Variants in FLT4 observed in about 807,000 individuals in gnomAD.
The protein encoded by FLT4 is fms related receptor tyrosine kinase 4.
FLT4 carries 30 observed loss-of-function variants against 163.2 expected under a neutral mutation model. The ratio of observed to expected loss-of-function variants is 0.18; its 90% CI spans 0.14 to 0.25. The LOEUF (loss-of-function observed/expected upper bound fraction) is 0.25. Among genes scored for constraint, FLT4 ranks in the 10% least tolerant of loss-of-function variants. The probability of loss-of-function intolerance (pLI) is 1.00; values close to 1 mark genes in which losing one functional copy is unlikely to be tolerated. For synonymous variants in FLT4, 884 were observed against 789.5 expected (o/e 1.12, Z -2.01); for missense variants, 1,510 against 1,863.8 (o/e 0.81, Z 3.50).
chr5:180,611,452 G>A lies in FLT4; in HGVS notation c.3565C>T (p.Arg1189Cys), dbSNP rs744282. The A allele has an allele frequency of 1.1e-5, 18 of 1,613,932 alleles. No individual in the cohort carries two copies. The highest frequency in any genetic ancestry group is 5.0e-5 in the Admixed American group (3 of 60,010). The change falls in exon 27 of 30, where the codon CGC becomes TGC. Residue 1189 changes from arginine to cysteine, a missense_variant. Physicochemically the swap from Arg to Cys is radical, Grantham distance 180. This residue lies in a region of FLT4 where 295 missense variants were observed against 311.0 expected (regional missense o/e 0.95). Coordinates refer to ENST00000261937, the MANE Select transcript of FLT4 (RefSeq NM_182925.5). ...QEEEEVCMAP[R>C]SSQSSEEGSF... ...CCCTCTTCTGAGCTCTGAGAGCTGC[G>A]CGGGGCCATGCAGACCTCCTCTTCC...
chr5:180,620,439 AAGAC>A lies in FLT4; in HGVS notation c.2407-135_2407-132del, dbSNP rs1374999448. 11 of 1,336,256 alleles carry A rather than the reference AAGAC, an allele frequency of 8.2e-6. No individual in the cohort carries two copies. Among genetic ancestry groups the A allele is most frequent in the African/African-American group, 1.4e-5 (1 of 69,396 alleles). 82.8% of individuals were successfully genotyped at this position (1,336,256 alleles called of 1,614,324 possible). On this transcript the variant is annotated intron_variant, in intron 16 of 29. Coordinates refer to ENST00000261937, the MANE Select transcript of FLT4 (RefSeq NM_182925.5). This position sits in a 1 kb window ranked among gnomAD's most constrained non-coding sequence, Gnocchi z 4.4. ...CTCAGTCAAGGAGGGGACAGAAAAA[AAGAC>A]AGACAACCTCTGCGGGGTTGGAGCC...
At chr5:180,639,115 A>G (rs1012910767) in intron 1 of FLT4, among the ~76,000 whole-genome samples, 6 of 150,808 alleles carry the variant, frequency 4.0e-5, no homozygotes, top group African/African-American at 9.8e-5. Flanking sequence ...GGATGGATGA[A>G]TGGATGGATG....
At chr5:180,629,465 G>C in intron 6 of FLT4, 38 bp from the exon 7 acceptor site, 1 of 1,605,558 alleles carries the variant, frequency 6.2e-7, no homozygotes. Flanking sequence ...CAGCAGGCGG[G>C]CTCCTGCACA....
Position 180,620,097 on chromosome 5 carries a change from G to C in FLT4, c.2542+76C>G, listed in dbSNP as rs1763006928. 2 of 1,528,800 alleles carry C rather than the reference G, an allele frequency of 1.3e-6. No individual in the cohort carries two copies. Among genetic ancestry groups the C allele is most frequent in the Non-Finnish European group, 1.8e-6 (2 of 1,131,622 alleles). 94.7% of individuals were successfully genotyped at this position (1,528,800 alleles called of 1,614,324 possible). The stretch of plus-strand genomic sequence containing the variant: ...TCCTGGTGCAAGTTTTGAAAATGGA[G>C]GGATTCAGGCACTCCGGCCTGCAGC... On this transcript the variant is annotated intron_variant, in intron 17 of 29. Transcript: ENST00000261937. This position sits in a 1 kb window ranked among gnomAD's most constrained non-coding sequence, Gnocchi z 4.4.
chr5:180,638,497 C>T (rs1764854038), intron 1 of FLT4, among the ~76,000 whole-genome samples: 2 of 152,216 alleles, frequency 1.3e-5, no homozygotes, highest in African/African-American at 4.8e-5. Context: ...CCAGGCCTGC[C>T]TCTGGGCCCC....
chr5:180,635,528 G>C (rs1581694431), intron 1 of FLT4, among the ~76,000 whole-genome samples: 2 of 2 alleles, frequency 1, 1 homozygote. Flanking sequence ...GTGATGGATG[G>C]ATGGATGGAT....
At position 180,630,994 on chromosome 5, in the gene FLT4, GGGCT is replaced by G. The variant is rs1157544494; in HGVS notation, c.156-199_156-196del. 1.1e-4 allele frequency among the ~76,000 whole-genome samples: 17 copies of G among 152,154 alleles called. No individual in the cohort carries two copies. The highest frequency in any genetic ancestry group is 3.6e-4 in the African/African-American group (15 of 41,446). ...CCCCCGGGCCTCTACCAGGCTCCCG[GGGCT>G]GGCCTGTGGCCAAGCACAGGCCTTG... On this transcript the variant is annotated intron_variant, in intron 2 of 29. Coordinates refer to ENST00000261937, the MANE Select transcript of FLT4 (RefSeq NM_182925.5). This position sits in a 1 kb window ranked among gnomAD's most constrained non-coding sequence, Gnocchi z 6.3.
chr5:180,640,029 G>A (rs1435420236), intron 1 of FLT4, among the ~76,000 whole-genome samples: 12 of 152,334 alleles, frequency 7.9e-5, no homozygotes, highest in Middle Eastern at 3.4e-3. Flanking sequence ...ACTGTCAGCA[G>A]CCCCAGGACA....
At position 180,642,418 on chromosome 5, in the gene FLT4, C is replaced by T. The variant is rs191201664; in HGVS notation, c.58+7070G>A. On this transcript the variant is annotated intron_variant, in intron 1 of 29. Coordinates refer to ENST00000261937, the MANE Select transcript of FLT4 (RefSeq NM_182925.5). The stretch of plus-strand genomic sequence containing the variant: ...ATTAGGAGCTTGCTGGCCCAGGAGG[C>T]GGGCACACAGGCCAGAGTGCCGGTG... Among the ~76,000 whole-genome samples, 6 of 152,206 alleles carry T rather than the reference C, an allele frequency of 3.9e-5. No homozygotes were observed. The South Asian group carries it at 8.3e-4, about 21-fold the overall frequency.
intron 1 of FLT4, among the ~76,000 whole-genome samples, chr5:180,648,865 T>C (rs868704122): frequency 4.6e-5 from 7 of 152,282 alleles, no homozygotes; most frequent in Middle Eastern, 3.4e-3. Context: ...TCTGCGGCGC[T>C]GACAGCCCGC....
At chr5:180,612,974 C>G (rs1261935996) in intron 25 of FLT4, 37 bp downstream of exon 25, 1 of 1,526,380 alleles carries the variant, frequency 6.6e-7, no homozygotes. Flanking sequence ...CCGACGCTTG[C>G]TGTCCCCAAA....
At chr5:180,646,973 T>C (rs1235769982) in intron 1 of FLT4, among the ~76,000 whole-genome samples, 1 of 152,156 alleles carries the variant, frequency 6.6e-6, no homozygotes, top group Non-Finnish European at 1.5e-5. Context: ...CTCAGAGCCC[T>C]GAGCTGGAGC....
chr5:180,643,444 A>C (rs1765277003), intron 1 of FLT4, among the ~76,000 whole-genome samples: 1 of 151,442 alleles, frequency 6.6e-6, no homozygotes. Context: ...CTGTCCCTCC[A>C]CTTTCCCTCC....
chr5:180,630,377 G>A lies in FLT4; in HGVS notation c.401-40C>T, dbSNP rs370164496. The A allele has an allele frequency of 5.6e-5, 89 of 1,583,488 alleles. No individual in the cohort carries two copies. The highest frequency in any genetic ancestry group is 4.0e-4 in the South Asian group (36 of 90,582). On this transcript the variant is annotated intron_variant, in intron 3 of 29. Transcript: ENST00000261937. The surrounding 1 kb of genome is among the most constrained non-coding windows in gnomAD (Gnocchi z 6.3). Reference sequence around the variant, plus strand: ...CAAGCTGTTGGGGAAGGGACGTGGCGGCCAGGCTGGGGGAGGGCTCCACGG... The same window carrying A: ...CAAGCTGTTGGGGAAGGGACGTGGCAGCCAGGCTGGGGGAGGGCTCCACGG...
At chr5:180,625,073 C>A (rs1389711043) in intron 10 of FLT4, among the ~76,000 whole-genome samples, 1 of 152,234 alleles carries the variant, frequency 6.6e-6, no homozygotes, top group Non-Finnish European at 1.5e-5. Context: ...CCACTGACCA[C>A]ACCAGAGCCA....
intron 1 of FLT4, among the ~76,000 whole-genome samples, chr5:180,648,513 G>A (rs950685278): frequency 6.6e-6 from 1 of 152,118 alleles, no homozygotes; most frequent in African/African-American, 2.4e-5. Flanking sequence ...GGTCCCCGTC[G>A]CTGACTTCAG....
At chr5:180,634,217 C>A (rs1204554371) in intron 1 of FLT4, among the ~76,000 whole-genome samples, 1 of 152,234 alleles carries the variant, frequency 6.6e-6, no homozygotes, top group Non-Finnish European at 1.5e-5. Context: ...CCGAGGGCCT[C>A]CCTCTTTAGG....
intron 23 of FLT4, among the ~76,000 whole-genome samples, chr5:180,615,470 CCGAAATCCACTGT>C (rs1478084244): frequency 0.052 from 5,133 of 99,658 alleles, 15 homozygotes; most frequent in Middle Eastern, 0.07. Flanking sequence ...TTCTCCACTT[CCGAAATCCACTGT>C]CTTTCGGAGC....
rs1421254690 is a variant in FLT4 at position 180,630,315 on chromosome 5, G to A, written c.423C>T (p.Asn141=). 4 of 1,611,140 alleles carry A rather than the reference G, an allele frequency of 2.5e-6. No homozygotes were observed. Among genetic ancestry groups the A allele is most frequent in the Non-Finnish European group, 3.4e-6 (4 of 1,179,958 alleles). Residue 141 remains asparagine, a synonymous_variant, in exon 4 of 30, where the codon AAC becomes AAT. Transcript: ENST00000261937. The surrounding 1 kb of genome is among the most constrained non-coding windows in gnomAD (Gnocchi z 6.3). ...TGTTGACCAAGAGCGTGTCAGGCTT[G>A]TTGATGAATGGCTGCTCAAAGTCTA... is the stretch of plus-strand genomic sequence containing the variant. ...FVRDFEQPFI[N]KPDTLLVNRK... is the part of the protein sequence containing the mutation.
Sources: allele counts gnomAD v4.1 joint callset (sites outside exome capture counted in the v4.1 genomes callset), GRCh38; gene constraint gnomAD v4.1.1; regional missense constraint gnomAD v4.1.1; non-coding constraint Gnocchi (gnomAD v3.1); transcripts MANE v1.5; gene names NCBI Gene and HGNC (gene_info 2026-07-23, HGNC 2026-07-21).